The following FIG4 variants were observed in gnomAD, a reference collection of about 807,000 sequenced individuals.
FIG4 encodes FIG4 phosphoinositide 5-phosphatase, also known as polyphosphoinositide phosphatase.
FIG4 carries 112 observed loss-of-function variants against 118.6 expected under a neutral mutation model. That is an observed-to-expected ratio of 0.94 (90% CI 0.81 to 1.11). The LOEUF (loss-of-function observed/expected upper bound fraction) is 1.11, where lower values mean the gene tolerates loss of function less well. Ranked by LOEUF, FIG4 falls within the 50% of genes least tolerant of loss-of-function variation. FIG4 has a pLI of 0.00. For synonymous variants in FIG4, 369 were observed against 381.2 expected, an observed-to-expected ratio of 0.97 and a Z score of 0.37; for missense variants, 969 against 1,111.7, an observed-to-expected ratio of 0.87 and a Z score of 1.83.
At chr6:109,727,977 G>A (rs77704709) in intron 4 of FIG4, among the ~76,000 whole-genome samples, 2,232 of 152,292 alleles carry the variant, frequency 0.015, 58 homozygotes, top group African/African-American at 0.051. Context: ...TGGGTTAAAA[G>A]TGCATGTACT....
intron 22 of FIG4, among the ~76,000 whole-genome samples, chr6:109,822,815 ATATATATATATATC>A (rs1562702971): frequency 1.9e-5 from 2 of 106,994 alleles, no homozygotes; most frequent in Admixed American, 2.0e-4. Context: ...ATATATATAT[ATATATATATATATC>A]GCTTTCTTCA....
At chr6:109,794,714 C>A (rs1279606656) in intron 21 of FIG4, among the ~76,000 whole-genome samples, 1 of 152,184 alleles carries the variant, frequency 6.6e-6, no homozygotes, top group African/African-American at 2.4e-5. Context: ...GCTGAATTGG[C>A]AGGTGCCCCT....
intron 3 of FIG4, among the ~76,000 whole-genome samples, chr6:109,725,822 T>G (rs1478582203): frequency 1.3e-5 from 2 of 152,204 alleles, no homozygotes; most frequent in Non-Finnish European, 2.9e-5. Flanking sequence ...CTCATTGCGG[T>G]TTTGATTTGC....
At chr6:109,793,717 A>G (rs1437018018) in intron 21 of FIG4, among the ~76,000 whole-genome samples, 3 of 152,252 alleles carry the variant, frequency 2.0e-5, no homozygotes, top group Non-Finnish European at 4.4e-5. Flanking sequence ...TCATTTACAG[A>G]ATCCATTGAA....
chr6:109,774,734 G>A (rs201200779), intron 15 of FIG4, among the ~76,000 whole-genome samples: 1 of 152,012 alleles, frequency 6.6e-6, no homozygotes, highest in Non-Finnish European at 1.5e-5. Context: ...TGTTTCTTTT[G>A]AAAATTGTGT....
intron 16 of FIG4, among the ~76,000 whole-genome samples, chr6:109,784,339 AG>A (rs888433813): frequency 1.3e-5 from 2 of 152,218 alleles, no homozygotes; most frequent in African/African-American, 4.8e-5. Flanking sequence ...AAATCCAGAC[AG>A]GTGACATTCT....
chr6:109,708,238 T>C (rs1027537889), intron 1 of FIG4, among the ~76,000 whole-genome samples: 1 of 152,232 alleles, frequency 6.6e-6, no homozygotes, highest in Non-Finnish European at 1.5e-5. Context: ...GTATTTGGTT[T>C]TTTGTTTTTG....
chr6:109,784,321 TC>T (rs1178561566), intron 16 of FIG4, among the ~76,000 whole-genome samples: 1 of 152,214 alleles, frequency 6.6e-6, no homozygotes, highest in Non-Finnish European at 1.5e-5. Flanking sequence ...AGACGAGCCT[TC>T]TAGCAGAAAT....
chr6:109,784,982 G>A lies in FIG4; in HGVS notation c.1902G>A (p.Trp634Ter). The A allele has an allele frequency of 2.6e-6, 4 of 1,542,778 alleles. No individual in the cohort carries two copies. The highest frequency in any genetic ancestry group is 3.6e-6 in the Non-Finnish European group (4 of 1,119,720). Residue 634 changes from tryptophan (W) to a stop codon, truncating the protein, a stop_gained, in exon 17 of 23, where the codon TGG (tryptophan) becomes TGA (stop). Transcript: ENST00000230124. LOFTEE classifies it high-confidence loss of function. ...LLPTRRSYTY[W>*]WTPEVIKHLP... ...TTTTATTTTATAGTTATACTTACTG[G>A]TGGACACCAGAGGTGATAAAGCATT...
chr6:109,753,942 G>A (rs898913582), intron 10 of FIG4, among the ~76,000 whole-genome samples: 1 of 152,128 alleles, frequency 6.6e-6, no homozygotes, highest in Non-Finnish European at 1.5e-5. Context: ...TCCTTCTCCT[G>A]CCTGATTGCC....
At chr6:109,719,791 G>A (rs1475792921) in intron 3 of FIG4, among the ~76,000 whole-genome samples, 1 of 150,774 alleles carries the variant, frequency 6.6e-6, no homozygotes, top group Non-Finnish European at 1.5e-5. Flanking sequence ...GGACTCTTTT[G>A]TTTTTTTTTA....
At chr6:109,766,165 C>T (rs1777273279) in intron 14 of FIG4, among the ~76,000 whole-genome samples, 1 of 152,116 alleles carries the variant, frequency 6.6e-6, no homozygotes, top group African/African-American at 2.4e-5. Flanking sequence ...GCTAGCTAGC[C>T]CCTTCCATCA....
intron 18 of FIG4, among the ~76,000 whole-genome samples, chr6:109,786,907 C>G (rs1777975984): frequency 6.6e-6 from 1 of 152,150 alleles, no homozygotes. Context: ...CTTTCTCTCT[C>G]CCCCACACAC....
intron 1 of FIG4, 151 bp downstream of exon 1, chr6:109,691,652 C>G: frequency 1.3e-6 from 1 of 767,296 alleles, no homozygotes; most frequent in African/African-American, 1.7e-5. Context: ...TAAGCTAGCT[C>G]CCTTGAGCTG....
At chr6:109,812,763 T>G (rs1334384933) in intron 22 of FIG4, among the ~76,000 whole-genome samples, 4 of 152,022 alleles carry the variant, frequency 2.6e-5, no homozygotes, top group Admixed American at 2.6e-4. Context: ...TCAAAAAATG[T>G]TACTATAAAG....
chr6:109,720,702 C>T (rs1479905723), intron 3 of FIG4, among the ~76,000 whole-genome samples: 1 of 152,174 alleles, frequency 6.6e-6, no homozygotes, highest in Non-Finnish European at 1.5e-5. Context: ...CTAAATCCTT[C>T]GTCTCAATTT....
chr6:109,796,737 G>C (rs754573909), intron 21 of FIG4, 28 bp from the exon 22 acceptor site: 3 of 1,354,518 alleles, frequency 2.2e-6, no homozygotes, highest in Non-Finnish European at 3.2e-6. Flanking sequence ...CCCTTCTTTA[G>C]CTGACTCTTA....
chr6:109,791,620 G>T (rs1778141742), intron 20 of FIG4, 49 bp downstream of exon 20: 1 of 1,551,382 alleles, frequency 6.4e-7, no homozygotes, highest in South Asian at 1.1e-5. Context: ...CCTGGAAAAT[G>T]ATCTTTACAA....
chr6:109,758,422 T>TGG (rs150918714), intron 10 of FIG4, among the ~76,000 whole-genome samples: 45,441 of 151,968 alleles, frequency 0.3, 7,316 homozygotes, highest in Non-Finnish European at 0.37. Flanking sequence ...AAACAGAAAC[T>TGG]GGATCCTTTC....
Sources: allele counts gnomAD v4.1 joint callset (sites outside exome capture counted in the v4.1 genomes callset), GRCh38; gene constraint gnomAD v4.1.1; transcripts MANE v1.5; gene names NCBI Gene and HGNC (gene_info 2026-07-23, HGNC 2026-07-21).